The following GPC6 variants were observed in gnomAD, a reference collection of about 807,000 sequenced individuals.
GPC6 encodes glypican-6.
In GPC6, 14 loss-of-function variants were observed where a neutral mutation model predicts 55.2. That is an observed-to-expected ratio of 0.25 (90% confidence interval 0.17 to 0.40). The LOEUF (loss-of-function observed/expected upper bound fraction) is 0.40, where lower values mean the gene tolerates loss of function less well. Among genes scored for constraint, GPC6 ranks in the 10% least tolerant of loss-of-function variants. The probability of loss-of-function intolerance (pLI) is 1.00; values close to 1 mark genes in which losing one functional copy is unlikely to be tolerated. For missense variants in GPC6, 641 were observed against 708.5 expected, an observed-to-expected ratio of 0.90 and a Z score of 1.08; for synonymous variants, 278 against 259.6, an observed-to-expected ratio of 1.07 and a Z score of -0.68.
chr13:93,622,551 C>T (rs1879004410), intron 2 of GPC6, among the ~76,000 whole-genome samples: 1 of 152,040 alleles, frequency 6.6e-6, no homozygotes. Flanking sequence ...GACTGGAGGG[C>T]TACATTTTTC....
intron 4 of GPC6, among the ~76,000 whole-genome samples, chr13:94,142,177 C>T (rs1370259589): frequency 2.0e-5 from 3 of 152,148 alleles, no homozygotes; most frequent in Admixed American, 1.3e-4. Context: ...AAAGAATACA[C>T]ACCTATATAC....
chr13:93,327,831 G>A (rs1466630737), intron 1 of GPC6, among the ~76,000 whole-genome samples: 1 of 151,824 alleles, frequency 6.6e-6, no homozygotes, highest in Admixed American at 6.6e-5. Context: ...CTAATAAAAT[G>A]TTAAACTCAT....
chr13:94,394,388 A>G (rs1255998975), intron 7 of GPC6, among the ~76,000 whole-genome samples: 2 of 152,204 alleles, frequency 1.3e-5, no homozygotes, highest in African/African-American at 2.4e-5. Flanking sequence ...GCCTTGGAAC[A>G]TGGGCTCTCT....
intron 4 of GPC6, among the ~76,000 whole-genome samples, chr13:94,218,569 C>G (rs1210234231): frequency 1.3e-5 from 2 of 152,140 alleles, no homozygotes; most frequent in African/African-American, 2.4e-5. Context: ...ACAGAGTTTG[C>G]AACTCTTTCT....
chr13:94,280,436 A>G (rs753574445), intron 4 of GPC6, among the ~76,000 whole-genome samples: 1 of 152,020 alleles, frequency 6.6e-6, no homozygotes, highest in Non-Finnish European at 1.5e-5. Context: ...CCTGAAACAC[A>G]TTCCAGCCCA....
chr13:93,684,484 A>G (rs1423262426), intron 2 of GPC6, among the ~76,000 whole-genome samples: 3 of 152,084 alleles, frequency 2.0e-5, no homozygotes, highest in Admixed American at 2.0e-4. Context: ...TACCACGCCA[A>G]GCCTGCAAAA....
intron 1 of GPC6, among the ~76,000 whole-genome samples, chr13:93,503,895 G>A (rs1443825270): frequency 1.3e-5 from 2 of 152,076 alleles, no homozygotes; most frequent in Admixed American, 6.6e-5. Flanking sequence ...GACAATATGA[G>A]ATATAGTATA....
intron 3 of GPC6, among the ~76,000 whole-genome samples, chr13:93,947,678 TG>T (rs2140369520): frequency 6.6e-6 from 1 of 152,220 alleles, no homozygotes; most frequent in Non-Finnish European, 1.5e-5. Context: ...GAATTAACAC[TG>T]CTTAGCATCA....
At chr13:94,250,861 A>G (rs185863437) in intron 4 of GPC6, among the ~76,000 whole-genome samples, 10 of 152,284 alleles carry the variant, frequency 6.6e-5, no homozygotes, top group African/African-American at 1.9e-4. Flanking sequence ...GAAATTTGTC[A>G]TAAAATTGTT....
intron 4 of GPC6, among the ~76,000 whole-genome samples, chr13:94,130,316 A>G (rs905354695): frequency 1.3e-5 from 2 of 152,116 alleles, no homozygotes; most frequent in African/African-American, 4.8e-5. Context: ...TCAGTCAGGC[A>G]ATTGATAGGA....
At chr13:93,626,287 C>A (rs574129124) in intron 2 of GPC6, among the ~76,000 whole-genome samples, 1 of 152,246 alleles carries the variant, frequency 6.6e-6, no homozygotes, top group South Asian at 2.1e-4. Context: ...TTCAAGACGG[C>A]CACAGCAGAA....
chr13:93,759,353 C>G (rs1884883833), intron 2 of GPC6, among the ~76,000 whole-genome samples: 1 of 152,120 alleles, frequency 6.6e-6, no homozygotes, highest in Non-Finnish European at 1.5e-5. Flanking sequence ...GAGAAGAGAC[C>G]AGCACCTCAC....
At chr13:93,826,159 C>T (rs1013798235) in intron 2 of GPC6, among the ~76,000 whole-genome samples, 56 of 152,142 alleles carry the variant, frequency 3.7e-4, no homozygotes, top group African/African-American at 1.3e-3. Flanking sequence ...TGCACCCGGC[C>T]GGATGTCAGC....
chr13:94,073,715 G>A (rs1437753725), intron 4 of GPC6, among the ~76,000 whole-genome samples: 6 of 152,134 alleles, frequency 3.9e-5, no homozygotes, highest in African/African-American at 9.7e-5. Flanking sequence ...CTCCTGGACC[G>A]CTAGGAGACC....
intron 1 of GPC6, among the ~76,000 whole-genome samples, chr13:93,458,462 G>T (rs577701203): frequency 1.3e-4 from 20 of 151,988 alleles, no homozygotes; most frequent in African/African-American, 4.8e-4. Context: ...TCCCTTTCAC[G>T]CCCAATATAT....
intron 4 of GPC6, among the ~76,000 whole-genome samples, chr13:94,074,313 T>C (rs1884836072): frequency 6.6e-6 from 1 of 152,174 alleles, no homozygotes; most frequent in South Asian, 2.1e-4. Context: ...GCATATGTGG[T>C]GTAAAATTTT....
At chr13:93,542,192 A>T (rs1401946148) in intron 1 of GPC6, among the ~76,000 whole-genome samples, 2 of 152,170 alleles carry the variant, frequency 1.3e-5, no homozygotes, top group Non-Finnish European at 2.9e-5. Context: ...TCTTGAATTA[A>T]TTTTTGTGTA....
intron 2 of GPC6, among the ~76,000 whole-genome samples, chr13:93,787,430 A>G (rs1885848384): frequency 6.6e-6 from 1 of 152,220 alleles, no homozygotes; most frequent in South Asian, 2.1e-4. Context: ...AAAAACGGGC[A>G]ATGGGCCAGA....
At chr13:93,861,467 C>A (rs774116421) in intron 3 of GPC6, among the ~76,000 whole-genome samples, 6 of 150,722 alleles carry the variant, frequency 4.0e-5, no homozygotes, top group Admixed American at 1.3e-4. Flanking sequence ...TATTATAAAC[C>A]CTGATTTTAT....
Sources: gnomAD v4.1 joint callset for allele counts (sites outside exome capture counted in the v4.1 genomes callset) on GRCh38, gnomAD v4.1.1 for gene constraint, MANE v1.5 for transcripts, NCBI Gene and HGNC (gene_info 2026-07-23, HGNC 2026-07-21) for gene names.